DEF6: variants seen among roughly 807,000 people sequenced by gnomAD.
The protein encoded by DEF6 is differentially expressed in FDCP 6 homolog.
Under a neutral mutation model 80.5 loss-of-function variants are expected in DEF6, and 32 were observed. The observed-to-expected ratio is 0.40, with a 90% CI of 0.30 to 0.53. The LOEUF is 0.53. Ranked by LOEUF, DEF6 falls within the 20% of genes least tolerant of loss-of-function variation. The pLI is 0.57. For synonymous variants in DEF6, 300 were observed against 337.9 expected (o/e 0.89, Z 1.23); for missense variants, 575 against 818.7 (o/e 0.70, Z 3.63).
chr6:35,321,050 C>A (rs535101920), intron 10 of DEF6, 76 bp downstream of exon 10: 280 of 1,555,606 alleles, frequency 1.8e-4, no homozygotes, highest in Middle Eastern at 9.9e-4. Context: ...CCCTGGGAGA[C>A]CTCCAGATCT....
At chr6:35,305,263 A>G (rs1229362349) in intron 1 of DEF6, among the ~76,000 whole-genome samples, 22 of 149,902 alleles carry the variant, frequency 1.5e-4, no homozygotes, top group Non-Finnish European at 3.3e-4. Context: ...CTCCCACCTC[A>G]GCCTCCTGAG....
At position 35,318,413 on chromosome 6, in the gene DEF6, G is replaced by A. The variant is rs902941435; in HGVS notation, c.1157G>A (p.Arg386His). The change falls in exon 7 of 11, where the codon CGC becomes CAC. Residue 386 changes from arginine (R) to histidine (H), a missense_variant. Arg to His is a conservative substitution (Grantham distance 29). Transcript: ENST00000316637. This position sits in a 1 kb window ranked among gnomAD's most constrained non-coding sequence, Gnocchi z 5.1. ...RLLQEEEERR[R>H]SQHRELQQAL... is the part of the protein sequence containing the mutation. The stretch of plus-strand genomic sequence containing the variant: ...CTGCAGGAGGAGGAGGAACGGCGCC[G>A]CAGCCAGCACCGCGAGCTGCAGCAG... 3 of 1,523,942 alleles carry A rather than the reference G, an allele frequency of 2.0e-6. No homozygotes were observed. Among genetic ancestry groups the A allele is most frequent in the South Asian group, 1.2e-5 (1 of 82,984 alleles). 94.4% of individuals were successfully genotyped at this position (1,523,942 alleles called of 1,614,324 possible).
In DEF6 at chr6:35,318,103, C is replaced by A. The variant is rs894891943; in HGVS notation, c.917-70C>A. The A allele has an allele frequency of 8.5e-6, 13 of 1,536,680 alleles. No homozygotes were observed. In the African/African-American group the frequency reaches 1.7e-4, roughly 20 times the overall value. ...CCAGCGGGAGGTTGGAGAGTGGACT[C>A]GGGAAACTCCTAAGGCCCCTTTCGG... is the stretch of plus-strand genomic sequence containing the variant. On this transcript the variant is annotated intron_variant, in intron 6 of 10. Transcript: ENST00000316637. This position sits in a 1 kb window ranked among gnomAD's most constrained non-coding sequence, Gnocchi z 5.1.
intron 1 of DEF6, among the ~76,000 whole-genome samples, chr6:35,304,144 A>C (rs1562146692): frequency 6.6e-6 from 1 of 151,982 alleles, no homozygotes; most frequent in Admixed American, 6.6e-5. Flanking sequence ...AAAAAAAGAA[A>C]ACACACACAC....
At position 35,318,754 on chromosome 6, in the gene DEF6, G is replaced by C. The variant is rs1381339354; in HGVS notation, c.1215+283G>C. On this transcript the variant is annotated intron_variant, in intron 7 of 10. Transcript: ENST00000316637. This position sits in a 1 kb window ranked among gnomAD's most constrained non-coding sequence, Gnocchi z 5.1. ...GGGGCCTGGTTCGGAGACCTTGGCT[G>C]TGGGTTGGGGCTTGGGCAGAAGGAG... 1.3e-5 allele frequency among the ~76,000 whole-genome samples: 2 copies of C among 152,198 alleles called. No homozygotes were observed. The highest frequency in any genetic ancestry group is 4.8e-5 in the African/African-American group (2 of 41,456).
At position 35,319,562 on chromosome 6, in the gene DEF6, G is replaced by A. The variant is rs1183457141; in HGVS notation, c.1254G>A (p.Glu418=). The change falls in exon 8 of 11, where the codon GAG becomes GAA. Residue 418 remains glutamate, a synonymous_variant. Transcript: ENST00000316637. This position sits in a 1 kb window ranked among gnomAD's most constrained non-coding sequence, Gnocchi z 4.5. ...TGCAGGCTGAGATGGAGCTGAAGGA[G>A]GAGGAGGCTGCCCGGCAGCGGCAGC... The part of the protein sequence containing the change: ...ASMQAEMELK[E]EEAARQRQRI... 1.2e-6 allele frequency: 2 copies of A among 1,613,724 alleles called. No individual in the cohort carries two copies. The highest frequency in any genetic ancestry group is 1.7e-6 in the Non-Finnish European group (2 of 1,179,924).
At chr6:35,313,760 A>G (rs939481157) in intron 5 of DEF6, among the ~76,000 whole-genome samples, 2 of 152,324 alleles carry the variant, frequency 1.3e-5, no homozygotes, top group South Asian at 4.1e-4. Context: ...GGTGCCATCT[A>G]TGTTGTTGCA....
At chr6:35,310,390 C>A in intron 2 of DEF6, 69 bp from the exon 3 acceptor site, 1 of 1,571,844 alleles carries the variant, frequency 6.4e-7, no homozygotes, top group African/African-American at 1.3e-5. Context: ...ACCCAAGAAA[C>A]CCAGCTGGAG....
chr6:35,301,727 CT>C (rs71538302), intron 1 of DEF6, among the ~76,000 whole-genome samples: 89 of 131,718 alleles, frequency 6.8e-4, no homozygotes, highest in Admixed American at 1.2e-3. Context: ...GGAGCTGTGT[CT>C]TTTTTTTTTT....
At chr6:35,298,069 C>T (rs1791263398) in intron 1 of DEF6, 117 bp downstream of exon 1, 16 of 942,250 alleles carry the variant, frequency 1.7e-5, no homozygotes, top group Non-Finnish European at 2.3e-5. Flanking sequence ...TCCAGCGTCC[C>T]GGGCCTGGGG....
chr6:35,318,353 T>G lies in DEF6; in HGVS notation c.1097T>G (p.Leu366Arg), dbSNP rs1791547481. 6.5e-7 allele frequency: 1 copy of G among 1,542,862 alleles called. No individual in the cohort carries two copies. Among genetic ancestry groups the G allele is most frequent in the East Asian group, 2.5e-5 (1 of 40,784 alleles). ...GAGCGGAAGCTGCAGGAGCTGGAGC[T>G]GCTGCAGGAGGCGCAGCGGCAGGCC... ...EKERKLQELELLQEAQRQAER... is the reference protein window; with the variant it reads ...EKERKLQELERLQEAQRQAER... The change falls in exon 7 of 11, where the codon CTG (leucine) becomes CGG (arginine). Residue 366 changes from leucine to arginine, a missense_variant. Physicochemically the swap from Leu to Arg is moderately radical, Grantham distance 102 (BLOSUM62 -2). Coordinates refer to ENST00000316637, the MANE Select transcript of DEF6 (RefSeq NM_022047.4). The surrounding 1 kb of genome is among the most constrained non-coding windows in gnomAD (Gnocchi z 5.1).
chr6:35,318,486 C>A lies in DEF6; in HGVS notation c.1215+15C>A. On this transcript the variant is annotated intron_variant, in intron 7 of 10. Coordinates refer to ENST00000316637, the MANE Select transcript of DEF6 (RefSeq NM_022047.4). The surrounding 1 kb of genome is among the most constrained non-coding windows in gnomAD (Gnocchi z 5.1). Reference sequence around the variant, plus strand: ...AGGCGGAGCAGGTGGGGTTAGCTCCCGGCGCCGGGGACGGGACCGGTGGGC... The same window carrying A: ...AGGCGGAGCAGGTGGGGTTAGCTCCAGGCGCCGGGGACGGGACCGGTGGGC... The A allele has an allele frequency of 7.2e-7, 1 of 1,381,894 alleles. No individual in the cohort carries two copies. The highest frequency in any genetic ancestry group is 9.3e-7 in the Non-Finnish European group (1 of 1,076,250). The allele number at this position is 1,381,894 out of a possible 1,614,324, so 85.6% of individuals were successfully genotyped here.
chr6:35,312,085 G>A lies in DEF6; in HGVS notation c.424-217G>A, dbSNP rs531094514. Among the ~76,000 whole-genome samples, 1 of 152,316 alleles carries A rather than the reference G, an allele frequency of 6.6e-6. No homozygotes were observed. The highest frequency in any genetic ancestry group is 1.9e-4 in the East Asian group (1 of 5,180). On this transcript the variant is annotated intron_variant, in intron 3 of 10. Transcript: ENST00000316637. This position sits in a 1 kb window ranked among gnomAD's most constrained non-coding sequence, Gnocchi z 6.6. ...ACAGGAAGGAGTGGGACTGGAGGTT[G>A]TGGACGGGGAGAGAAAACCTGAGTT... is the stretch of plus-strand genomic sequence containing the variant.
chr6:35,301,007 G>T (rs1447342189), intron 1 of DEF6, among the ~76,000 whole-genome samples: 1 of 152,098 alleles, frequency 6.6e-6, no homozygotes, highest in East Asian at 1.9e-4. Context: ...GTGGCACCAG[G>T]CCTACCACTT....
In DEF6 at chr6:35,319,407, A is replaced by G; in HGVS notation, c.1216-117A>G. On this transcript the variant is annotated intron_variant, in intron 7 of 10. Transcript: ENST00000316637. This position sits in a 1 kb window ranked among gnomAD's most constrained non-coding sequence, Gnocchi z 4.5. ...GTCAGATCAGGAAACCCCAACATGA[A>G]GGAGTTCCCCAGACCCTCACCCCTA... The G allele has an allele frequency of 1.4e-6, 1 of 706,770 alleles. No individual in the cohort carries two copies. The highest frequency in any genetic ancestry group is 2.4e-6 in the Non-Finnish European group (1 of 424,080). The allele number at this position is 706,770 out of a possible 1,614,324, so 43.8% of individuals were successfully genotyped here.
chr6:35,309,713 ACCC>A lies in DEF6; in HGVS notation c.142_144del (p.Pro48del). ...TACACGGTCCTGCACATCCCCCATG[ACCC>A]CGTGGCCCTGGAGGAACACTTCCGA... On this transcript the variant is annotated inframe_deletion, in exon 2 of 11. Coordinates refer to ENST00000316637, the MANE Select transcript of DEF6 (RefSeq NM_022047.4). 6.2e-7 allele frequency: 1 copy of A among 1,613,642 alleles called. No individual in the cohort carries two copies. The highest frequency in any genetic ancestry group is 8.5e-7 in the Non-Finnish European group (1 of 1,179,916).
rs201746130 is a variant in DEF6, at chr6:35,310,568, A to G, written c.347A>G (p.Gln116Arg). 4.3e-6 allele frequency: 7 copies of G among 1,614,190 alleles called. No homozygotes were observed. The Admixed American group carries it at 8.3e-5, about 19-fold the overall frequency. The change falls in exon 3 of 11, where the codon CAG (glutamine) becomes CGG (arginine). Residue 116 changes from glutamine (Q) to arginine (R), a missense_variant. Gln to Arg is a conservative substitution (Grantham distance 43, BLOSUM62 1). Coordinates refer to ENST00000316637, the MANE Select transcript of DEF6 (RefSeq NM_022047.4). ...AACGGGAACAGTATGCTCTCCAATCAGGATGCCTTCCGCCTCTGGTGCCTC... is the reference window on the plus strand; with the variant it reads ...AACGGGAACAGTATGCTCTCCAATCGGGATGCCTTCCGCCTCTGGTGCCTC... Reference protein sequence around the residue: ...DSNGNSMLSNQDAFRLWCLFN... With the variant: ...DSNGNSMLSNRDAFRLWCLFN...
In DEF6 at chr6:35,310,541, G is replaced by A. The variant is rs1199865312; in HGVS notation, c.320G>A (p.Ser107Asn). Residue 107 changes from serine (S) to asparagine (N), a missense_variant, in exon 3 of 11, where the codon AGC becomes AAC. Transcript: ENST00000316637. ...GCCAAGAAGAACTATCGGGCAGATA[G>A]CAACGGGAACAGTATGCTCTCCAAT... The part of the protein sequence containing the change: ...LTAKKNYRAD[S>N]NGNSMLSNQD... 2 of 1,614,092 alleles carry A rather than the reference G, an allele frequency of 1.2e-6. No homozygotes were observed. The highest frequency in any genetic ancestry group is 1.7e-5 in the Admixed American group (1 of 60,006).
intron 1 of DEF6, among the ~76,000 whole-genome samples, chr6:35,305,170 G>A (rs1791372742): frequency 6.7e-6 from 1 of 148,760 alleles, no homozygotes; most frequent in African/African-American, 2.5e-5. Context: ...TTTCCAGACA[G>A]GGTCTGGATC....
Sources: allele counts gnomAD v4.1 joint callset (sites outside exome capture counted in the v4.1 genomes callset), GRCh38; gene constraint gnomAD v4.1.1; non-coding constraint Gnocchi (gnomAD v3.1); transcripts MANE v1.5; gene names NCBI Gene and HGNC (gene_info 2026-07-23, HGNC 2026-07-21).